Variants in NEMF observed in about 807,000 individuals in gnomAD.
The protein encoded by NEMF is nuclear export mediator factor.
Under a neutral mutation model 162.2 loss-of-function variants are expected in NEMF, and 89 were observed. That is an observed-to-expected ratio of 0.55 (90% CI 0.46 to 0.65). The LOEUF (loss-of-function observed/expected upper bound fraction) is 0.65. NEMF is among the 30% of genes least tolerant of loss of function. The pLI, the probability that NEMF is intolerant of heterozygous loss-of-function variation, is 0.00. For synonymous variants in NEMF, 421 were observed against 404.5 expected, an observed-to-expected ratio of 1.04 and a Z score of -0.49; for missense variants, 1,133 against 1,261.9, an observed-to-expected ratio of 0.90 and a Z score of 1.55.
chr14:49,798,886 G>A (rs571547865), intron 25 of NEMF, among the ~76,000 whole-genome samples: 4 of 150,838 alleles, frequency 2.7e-5, no homozygotes, highest in Admixed American at 2.0e-4. Context: ...CAGCCTGGGC[G>A]ACAGAGCGAG....
chr14:49,837,075 C>A (rs1402486193), intron 6 of NEMF, among the ~76,000 whole-genome samples: 1 of 152,018 alleles, frequency 6.6e-6, no homozygotes, highest in East Asian at 1.9e-4. Context: ...GAGATCAAGA[C>A]CATCCTGGCC....
intron 25 of NEMF, chr14:49,796,181 T>C (rs1890684083): frequency 1.8e-6 from 1 of 560,500 alleles, no homozygotes; most frequent in Non-Finnish European, 3.3e-6. Context: ...GCTCAACATA[T>C]TGTCACCCCT....
At chr14:49,848,861 A>T (rs1224909082) in intron 3 of NEMF, among the ~76,000 whole-genome samples, 1 of 151,466 alleles carries the variant, frequency 6.6e-6, no homozygotes, top group Non-Finnish European at 1.5e-5. Context: ...AAAAGACTTA[A>T]ATACGAAACA....
At chr14:49,824,235 TG>T (rs1892227390) in intron 16 of NEMF, among the ~76,000 whole-genome samples, 2 of 151,488 alleles carry the variant, frequency 1.3e-5, no homozygotes, top group African/African-American at 2.4e-5. Context: ...GTTACTATAA[TG>T]AAGCAATACC....
rs780442972 is a variant in NEMF, at chr14:49,799,207, C to CAAAAAAAAAAAA, written c.2465+256_2465+267dup. On this transcript the variant is annotated intron_variant, in intron 25 of 32. Coordinates refer to ENST00000298310, the MANE Select transcript of NEMF (RefSeq NM_004713.6). ...TGGGCAACAAAGCGAGACCCTGTTT[C>CAAAAAAAAAAAA]AAAAAAAAAAAAAAAAAAAAAAAAA... is the stretch of plus-strand genomic sequence containing the variant. 1.7e-4 allele frequency among the ~76,000 whole-genome samples: 10 copies of CAAAAAAAAAAAA among 59,064 alleles called. 1 individual carries two copies. Among genetic ancestry groups the CAAAAAAAAAAAA allele is most frequent in the Admixed American group, 1.0e-3 (3 of 2,900 alleles). The allele number at this position is 59,064 out of a possible 152,430, so 38.7% of individuals were successfully genotyped here. A position where few individuals can be genotyped will look rare whatever the true frequency, so the allele number is the denominator to read the frequency against.
At chr14:49,827,113 TAGG>T (rs1438788707) in intron 15 of NEMF, among the ~76,000 whole-genome samples, 1 of 152,156 alleles carries the variant, frequency 6.6e-6, no homozygotes, top group African/African-American at 2.4e-5. Flanking sequence ...TCTTGCAGGA[TAGG>T]AGAAGGGCTC....
At position 49,829,385 on chromosome 14, in the gene NEMF, A is replaced by G. The variant is rs1892527016; in HGVS notation, c.987T>C (p.Asp329=). 4.3e-6 allele frequency: 7 copies of G among 1,614,000 alleles called. No individual in the cohort carries two copies. The highest frequency in any genetic ancestry group is 1.3e-5 in the African/African-American group (1 of 74,938). ...ALKKLDNVRK[D]HENRLEALQQ... is the part of the protein sequence containing the mutation. ...GAAGAGCTTCCAATCTGTTTTCGTG[A>G]TCCTTTCGAACATTATCTAATTTCT... Residue 329 remains aspartate, a synonymous_variant, in exon 12 of 33, where the codon GAT becomes GAC. Coordinates refer to ENST00000298310, the MANE Select transcript of NEMF (RefSeq NM_004713.6).
At chr14:49,845,831 G>A (rs910247749) in intron 4 of NEMF, 4 of 420,004 alleles carry the variant, frequency 9.5e-6, no homozygotes, top group African/African-American at 2.0e-5. Flanking sequence ...GTGCATGACC[G>A]TATTTGACTA....
At chr14:49,847,821 C>G (rs535838013) in intron 3 of NEMF, among the ~76,000 whole-genome samples, 81 of 151,136 alleles carry the variant, frequency 5.4e-4, no homozygotes, top group Non-Finnish European at 9.4e-4. Flanking sequence ...CACTTGAGGT[C>G]AGGAGTTCAA....
chr14:49,827,429 C>T (rs1892411218), intron 15 of NEMF, among the ~76,000 whole-genome samples: 1 of 152,120 alleles, frequency 6.6e-6, no homozygotes, highest in Non-Finnish European at 1.5e-5. Flanking sequence ...TCAAGCGATC[C>T]ACCGGCCTCG....
intron 6 of NEMF, among the ~76,000 whole-genome samples, chr14:49,835,655 T>A (rs538187117): frequency 6.6e-6 from 1 of 152,188 alleles, no homozygotes; most frequent in Non-Finnish European, 1.5e-5. Context: ...TACTGGAAGC[T>A]ATAGCTAGCA....
intron 3 of NEMF, among the ~76,000 whole-genome samples, chr14:49,849,060 A>G (rs1323124225): frequency 1.3e-5 from 2 of 152,144 alleles, no homozygotes; most frequent in East Asian, 1.9e-4. Context: ...CGCATTTTAT[A>G]TACTCACATA....
chr14:49,828,976 A>G, intron 13 of NEMF, 78 bp downstream of exon 13: 1 of 1,432,208 alleles, frequency 7.0e-7, no homozygotes, highest in Non-Finnish European at 9.5e-7. Context: ...ATATGAAGAA[A>G]AAATGTTTAA....
intron 18 of NEMF, among the ~76,000 whole-genome samples, chr14:49,810,387 T>C (rs1376028881): frequency 6.6e-6 from 1 of 151,408 alleles, no homozygotes; most frequent in Non-Finnish European, 1.5e-5. Flanking sequence ...AAACAAAAAA[T>C]TAAAAAAAGA....
At chr14:49,848,828 C>T (rs1204187596) in intron 3 of NEMF, among the ~76,000 whole-genome samples, 28 of 119,062 alleles carry the variant, frequency 2.4e-4, no homozygotes, top group East Asian at 1.3e-3. Context: ...AGCAAGACTC[C>T]GTCTCAAAAA....
intron 3 of NEMF, among the ~76,000 whole-genome samples, chr14:49,847,774 G>A (rs1356161398): frequency 6.8e-6 from 1 of 146,948 alleles, no homozygotes; most frequent in Admixed American, 6.8e-5. Context: ...GCTCAGGCCT[G>A]TAATCCCAAC....
intron 3 of NEMF, among the ~76,000 whole-genome samples, chr14:49,848,967 AT>A (rs1252688588): frequency 6.6e-6 from 1 of 152,288 alleles, no homozygotes; most frequent in African/African-American, 2.4e-5. Flanking sequence ...AAACACATAA[AT>A]TCATTATTAA....
At chr14:49,820,800 G>A (rs1185636389) in intron 16 of NEMF, among the ~76,000 whole-genome samples, 8 of 151,982 alleles carry the variant, frequency 5.3e-5, no homozygotes, top group African/African-American at 1.9e-4. Flanking sequence ...GTATTTTTTT[G>A]GTGGAGATGG....
chr14:49,810,627 A>C (rs891069785), intron 18 of NEMF, among the ~76,000 whole-genome samples: 1 of 152,122 alleles, frequency 6.6e-6, no homozygotes, highest in African/African-American at 2.4e-5. Context: ...TGCTTTCGCT[A>C]ATCTGAGTCT....
Sources: gnomAD v4.1 joint callset for allele counts (sites outside exome capture counted in the v4.1 genomes callset) on GRCh38, gnomAD v4.1.1 for gene constraint, MANE v1.5 for transcripts, NCBI Gene and HGNC (gene_info 2026-07-23, HGNC 2026-07-21) for gene names.